MSH4: variants seen among roughly 807,000 people sequenced by gnomAD.
MSH4 encodes mutS protein homolog 4.
A neutral mutation model predicts 113.7 loss-of-function variants in MSH4; 106 were observed. That is an observed-to-expected ratio of 0.93 (90% CI 0.80 to 1.10). The LOEUF (loss-of-function observed/expected upper bound fraction) is 1.10, where lower values mean the gene tolerates loss of function less well. Among genes scored for constraint, MSH4 ranks in the 50% least tolerant of loss-of-function variants. The pLI is 0.00. For missense variants in MSH4, 1,061 were observed against 1,093.7 expected (o/e 0.97, Z 0.42); for synonymous variants, 368 against 380.2 (o/e 0.97, Z 0.37).
chr1:75,867,955 A>T (rs1318534317), intron 9 of MSH4, among the ~76,000 whole-genome samples: 1 of 152,052 alleles, frequency 6.6e-6, no homozygotes, highest in Non-Finnish European at 1.5e-5. Context: ...TGTTCTAATA[A>T]TGTTCTTTAT....
intron 7 of MSH4, among the ~76,000 whole-genome samples, chr1:75,826,250 G>A (rs1650549661): frequency 6.6e-6 from 1 of 152,086 alleles, no homozygotes; most frequent in Non-Finnish European, 1.5e-5. Context: ...GTTTATTTGT[G>A]TAGAGGTGTT....
intron 1 of MSH4, among the ~76,000 whole-genome samples, chr1:75,802,247 C>T (rs1343691310): frequency 6.6e-6 from 1 of 152,058 alleles, no homozygotes; most frequent in African/African-American, 2.4e-5. Context: ...TATACGAAGG[C>T]TTGAGAGTTG....
chr1:75,821,904 C>T (rs1263553292), intron 6 of MSH4, among the ~76,000 whole-genome samples: 4 of 152,122 alleles, frequency 2.6e-5, no homozygotes, highest in Non-Finnish European at 5.9e-5. Context: ...AGCAACCGTG[C>T]GTGGCCCAAA....
At chr1:75,809,461 G>A (rs1195366110) in intron 3 of MSH4, among the ~76,000 whole-genome samples, 1 of 151,900 alleles carries the variant, frequency 6.6e-6, no homozygotes, top group African/African-American at 2.4e-5. Context: ...TAAAAAAAAG[G>A]AATGTTAGAC....
intron 6 of MSH4, 25 bp from the exon 7 acceptor site, chr1:75,822,384 A>G (rs1650439997): frequency 4.1e-6 from 6 of 1,463,030 alleles, no homozygotes; most frequent in Non-Finnish European, 5.5e-6. Flanking sequence ...TTGTATTCTT[A>G]CTGACATTTC....
At chr1:75,866,098 A>C (rs1651557121) in intron 8 of MSH4, among the ~76,000 whole-genome samples, 2 of 152,138 alleles carry the variant, frequency 1.3e-5, no homozygotes, top group East Asian at 1.9e-4. Flanking sequence ...ATTTTATTAG[A>C]AGTTGACATT....
At chr1:75,840,588 C>T (rs1650935370) in intron 7 of MSH4, among the ~76,000 whole-genome samples, 1 of 148,638 alleles carries the variant, frequency 6.7e-6, no homozygotes, top group Middle Eastern at 3.4e-3. Flanking sequence ...TTAATGGGTG[C>T]AGCACACCAG....
intron 19 of MSH4, among the ~76,000 whole-genome samples, chr1:75,908,700 A>G (rs1468882602): frequency 6.6e-6 from 1 of 152,106 alleles, no homozygotes; most frequent in East Asian, 1.9e-4. Flanking sequence ...GTTTATCTTC[A>G]GTGTCTCGCT....
At chr1:75,813,738 T>C (rs1379539665) in intron 4 of MSH4, among the ~76,000 whole-genome samples, 1 of 152,114 alleles carries the variant, frequency 6.6e-6, no homozygotes, top group African/African-American at 2.4e-5. Flanking sequence ...TAGCCAGGTG[T>C]AGTGACATGT....
At chr1:75,823,826 A>C (rs1257959095) in intron 7 of MSH4, among the ~76,000 whole-genome samples, 1 of 152,148 alleles carries the variant, frequency 6.6e-6, no homozygotes, top group Admixed American at 6.6e-5. Context: ...TAATGGCTGC[A>C]TAGTATTCCA....
At chr1:75,880,623 A>G (rs937080555) in intron 13 of MSH4, among the ~76,000 whole-genome samples, 1 of 152,134 alleles carries the variant, frequency 6.6e-6, no homozygotes, top group Non-Finnish European at 1.5e-5. Context: ...TTGGGCTTTC[A>G]AGACAATTTC....
chr1:75,822,388 A>G (rs754686918), intron 6 of MSH4, 21 bp from the exon 7 acceptor site: 5 of 1,489,348 alleles, frequency 3.4e-6, no homozygotes, highest in Non-Finnish European at 3.6e-6. Flanking sequence ...ATTCTTACTG[A>G]CATTTCTTGT....
At chr1:75,843,118 G>A (rs1413818631) in intron 7 of MSH4, among the ~76,000 whole-genome samples, 1 of 152,168 alleles carries the variant, frequency 6.6e-6, no homozygotes, top group East Asian at 1.9e-4. Context: ...AGGCAGGGAA[G>A]GGCCACCTGT....
chr1:75,851,142 A>T (rs35789801), intron 8 of MSH4, among the ~76,000 whole-genome samples: 2 of 151,808 alleles, frequency 1.3e-5, no homozygotes, highest in Admixed American at 1.3e-4. Context: ...ATCAGAGAAT[A>T]CCTTACTTTT....
chr1:75,832,935 G>A (rs1341347454), intron 7 of MSH4, among the ~76,000 whole-genome samples: 4 of 151,612 alleles, frequency 2.6e-5, no homozygotes, highest in Admixed American at 2.6e-4. Flanking sequence ...TTCTGGTCAG[G>A]GCAAGCAGGC....
At chr1:75,874,877 G>A (rs1288842885) in intron 9 of MSH4, among the ~76,000 whole-genome samples, 2 of 152,010 alleles carry the variant, frequency 1.3e-5, no homozygotes, top group African/African-American at 4.8e-5. Flanking sequence ...GGAAGAACTG[G>A]GTGTTAAAGT....
intron 16 of MSH4, among the ~76,000 whole-genome samples, 170 bp from the exon 17 acceptor site, chr1:75,890,526 T>C (rs1481973010): frequency 6.6e-6 from 1 of 152,090 alleles, no homozygotes; most frequent in East Asian, 1.9e-4. Context: ...ACTGGAATTA[T>C]TAGTCATGAG....
intron 6 of MSH4, among the ~76,000 whole-genome samples, chr1:75,818,753 T>G (rs1036871797): frequency 2.6e-4 from 2 of 7,618 alleles, no homozygotes; most frequent in East Asian, 4.8e-3. Flanking sequence ...GTATATTCCG[T>G]TTTTTTTGTT....
intron 8 of MSH4, among the ~76,000 whole-genome samples, chr1:75,857,768 A>G (rs1359427144): frequency 6.6e-6 from 1 of 152,124 alleles, no homozygotes; most frequent in African/African-American, 2.4e-5. Context: ...TTGGTTCCAT[A>G]TGAACTTTAA....
Sources: gnomAD v4.1 joint callset for allele counts (sites outside exome capture counted in the v4.1 genomes callset) on GRCh38, gnomAD v4.1.1 for gene constraint, MANE v1.5 for transcripts, NCBI Gene and HGNC (gene_info 2026-07-23, HGNC 2026-07-21) for gene names.